Variants in ARHGAP4 observed in about 807,000 individuals in gnomAD.
The protein encoded by ARHGAP4 is Rho GTPase activating protein 4, also known as rho GTPase-activating protein 4.
ARHGAP4 carries 25 observed loss-of-function variants against 67.6 expected under a neutral mutation model. The ratio of observed to expected loss-of-function variants is 0.37; its 90% confidence interval spans 0.27 to 0.52. The LOEUF is 0.52. Ranked by LOEUF, ARHGAP4 falls within the 20% of genes least tolerant of loss-of-function variation. The pLI is 0.92. For missense variants in ARHGAP4, 804 were observed against 854.6 expected, an observed-to-expected ratio of 0.94 and a Z score of 0.74; for synonymous variants, 448 against 373.7, an observed-to-expected ratio of 1.20 and a Z score of -2.29.
chrX:153,926,177 C>A lies in ARHGAP4; in HGVS notation c.26G>T (p.Arg9Leu), dbSNP rs868940109. ...ATACTCAGCCTGCAGCCCCCGCTCC[C>A]GCCGCAGCTTCCCGTGAGCGGCCAT... is the stretch of plus-strand genomic sequence containing the variant. MAAHGKLR[R>L]ERGLQAEYET... The change falls in exon 1 of 22, where the codon CGG becomes CTG. Residue 9 changes from arginine (R) to leucine (L), a missense_variant. Arg to Leu is a moderately radical substitution (Grantham distance 102, BLOSUM62 -2). Coordinates refer to ENST00000350060, the MANE Select transcript of ARHGAP4 (RefSeq NM_001666.5). 8.3e-7 allele frequency: 1 copy of A among 1,203,828 alleles called. No homozygotes were observed.
In ARHGAP4 at chrX:153,907,955, G is replaced by A. The variant is rs782744563; in HGVS notation, c.2615C>T (p.Ala872Val). 37 of 1,132,909 alleles carry A rather than the reference G, an allele frequency of 3.3e-5. No individual in the cohort carries two copies. Among genetic ancestry groups the A allele is most frequent in the Non-Finnish European group, 4.2e-5 (36 of 857,098 alleles). 93.4% of individuals were successfully genotyped at this position (1,132,909 alleles called of 1,213,427 possible). ...CTTAAACACAGAGTCCATGTTCTGT[G>A]CCACAGCCTAGCGGAGGGGAAAGAA... ...EQHVEVDKAV[A>V]QNMDSVFKEL... is the part of the protein sequence containing the mutation. Residue 872 changes from alanine (A) to valine (V), a missense_variant, in exon 22 of 22, where the codon GCA becomes GTA. Ala to Val is a moderately conservative substitution (Grantham distance 64). Transcript: ENST00000350060.
intron 1 of ARHGAP4, among the ~76,000 whole-genome samples, chrX:153,924,459 G>A (rs2065114880): frequency 9.0e-6 from 1 of 111,404 alleles, no homozygotes; most frequent in South Asian, 3.8e-4. Flanking sequence ...CTAAACTAGG[G>A]CTGGCCCTCT....
chrX:153,909,681 G>T (rs1267585687), intron 19 of ARHGAP4, 60 bp downstream of exon 19: 3 of 1,075,325 alleles, frequency 2.8e-6, no homozygotes, highest in Admixed American at 2.8e-5. Flanking sequence ...GGGGTCGGGG[G>T]AGGGGTGGAT....
At chrX:153,923,731 C>T (rs1164517836) in intron 1 of ARHGAP4, among the ~76,000 whole-genome samples, 3 of 112,789 alleles carry the variant, frequency 2.7e-5, no homozygotes, top group South Asian at 3.6e-4. Flanking sequence ...GTGGGGTGGG[C>T]GCTAATGCCA....
chrX:153,908,590 G>A (rs1182271106), intron 21 of ARHGAP4, among the ~76,000 whole-genome samples: 1 of 109,797 alleles, frequency 9.1e-6, no homozygotes, highest in Non-Finnish European at 1.9e-5. Flanking sequence ...AGCCGCTGCT[G>A]CCCCACCCCA....
At chrX:153,920,868 G>A in intron 4 of ARHGAP4, 60 bp from the exon 5 acceptor site, 4 of 1,177,275 alleles carry the variant, frequency 3.4e-6, no homozygotes, top group Non-Finnish European at 4.6e-6. Flanking sequence ...CCAGCCCCCA[G>A]CCCTCTACCC....
At position 153,910,595 on chromosome X, in the gene ARHGAP4, C is replaced by T. The variant is rs782503977; in HGVS notation, c.1833G>A (p.Ala611=). ...GGCGGCTCACGTGCTCCACCCTCTC[C>T]GCTGTGGCCTCCAGCTCTGTGGCCA... The part of the protein sequence containing the change: ...LLASSELEAT[A]ERVEHVSRLL... The change falls in exon 16 of 22, where the codon GCG becomes GCA. Residue 611 remains alanine (A), a synonymous_variant. Coordinates refer to ENST00000350060, the MANE Select transcript of ARHGAP4 (RefSeq NM_001666.5). The T allele has an allele frequency of 3.6e-5, 44 of 1,205,831 alleles. No individual in the cohort carries two copies. Among genetic ancestry groups the T allele is most frequent in the African/African-American group, 5.2e-5 (3 of 57,478 alleles).
intron 20 of ARHGAP4, 112 bp downstream of exon 20, chrX:153,909,331 C>G (rs782788360): frequency 3.6e-4 from 321 of 901,048 alleles, no homozygotes; most frequent in Non-Finnish European, 4.6e-4. Flanking sequence ...GTCATTCTGT[C>G]ACGTCCTCAT....
At position 153,909,723 on chromosome X, in the gene ARHGAP4, A is replaced by C. The variant is rs1466107182; in HGVS notation, c.2414+18T>G. Reference sequence around the variant, plus strand: ...GAGACTCCGGGAGCCCTGGGGCCTGAGGGCGCGGCTCACTCACCCGGCGGG... The same window carrying C: ...GAGACTCCGGGAGCCCTGGGGCCTGCGGGCGCGGCTCACTCACCCGGCGGG... On this transcript the variant is annotated intron_variant, in intron 19 of 21. Coordinates refer to ENST00000350060, the MANE Select transcript of ARHGAP4 (RefSeq NM_001666.5). 1.7e-6 allele frequency: 2 copies of C among 1,170,388 alleles called. No individual in the cohort carries two copies. The highest frequency in any genetic ancestry group is 2.3e-6 in the Non-Finnish European group (2 of 875,518).
At position 153,913,894 on chromosome X, in the gene ARHGAP4, G is replaced by A. The variant is rs372306357; in HGVS notation, c.1033-15C>T. On this transcript the variant is annotated splice_polypyrimidine_tract_variant and intron_variant, in intron 7 of 21. Coordinates refer to ENST00000350060, the MANE Select transcript of ARHGAP4 (RefSeq NM_001666.5). ...ATCTCAGCCACCTGCAGAGGGCGGC[G>A]GCCAGGGGGCTAAGGGCTGGGCTTG... 4.3e-5 allele frequency: 51 copies of A among 1,195,975 alleles called. No homozygotes were observed. The South Asian group carries it at 7.7e-4, about 18-fold the overall frequency.
chrX:153,926,118 C>T lies in ARHGAP4; in HGVS notation c.67+18G>A, dbSNP rs782534930. 9 of 1,201,980 alleles carry T rather than the reference C, an allele frequency of 7.5e-6. No individual in the cohort carries two copies. The South Asian group carries it at 1.6e-4, about 21-fold the overall frequency. On this transcript the variant is annotated intron_variant, in intron 1 of 21. Coordinates refer to ENST00000350060, the MANE Select transcript of ARHGAP4 (RefSeq NM_001666.5). ...TTCTCCGCAGGAAACGGGCCGGGAGCGCCCGGCGCCCTCTCACCTTTGACT... is the reference window on the plus strand; with the variant it reads ...TTCTCCGCAGGAAACGGGCCGGGAGTGCCCGGCGCCCTCTCACCTTTGACT...
chrX:153,911,104 T>C, intron 13 of ARHGAP4, 25 bp downstream of exon 13: 1 of 1,167,343 alleles, frequency 8.6e-7, no homozygotes, highest in Non-Finnish European at 1.1e-6. Flanking sequence ...TGCCAGGACA[T>C]CGGGAGGGGC....
intron 5 of ARHGAP4, chrX:153,919,796 T>A (rs2065080730): frequency 9.3e-6 from 8 of 858,997 alleles, no homozygotes; most frequent in African/African-American, 2.1e-5. Context: ...TTTTTTATTT[T>A]TTTTTTTTGA....
chrX:153,918,726 C>T, intron 7 of ARHGAP4, 106 bp downstream of exon 7: 2 of 875,563 alleles, frequency 2.3e-6, no homozygotes, highest in Non-Finnish European at 3.3e-6. Flanking sequence ...TGCCTGAGAC[C>T]ATGGAGAACT....
rs782469163 is a variant in ARHGAP4, at chrX:153,920,877, C to G, written c.499-69G>C. 5.2e-6 allele frequency: 6 copies of G among 1,162,193 alleles called. No homozygotes were observed. In the East Asian group the frequency reaches 1.8e-4, roughly 35 times the overall value. Reference sequence around the variant, plus strand: ...GCTGGGCCAGCCCCCAGCCCTCTACCCCTGCCCCTCTGGAACTTGGACCTC... The same window carrying G: ...GCTGGGCCAGCCCCCAGCCCTCTACGCCTGCCCCTCTGGAACTTGGACCTC... On this transcript the variant is annotated intron_variant, in intron 4 of 21. Coordinates refer to ENST00000350060, the MANE Select transcript of ARHGAP4 (RefSeq NM_001666.5).
rs781879538 is a variant in ARHGAP4, at chrX:153,909,781, G to A, written c.2374C>T (p.Arg792Trp). The change falls in exon 19 of 22, where the codon CGG becomes TGG. Residue 792 changes from arginine to tryptophan, a missense_variant. Arg to Trp is a moderately radical substitution (Grantham distance 101, BLOSUM62 -3). This residue lies in a region of ARHGAP4 where 400 missense variants were observed against 348.7 expected (regional missense o/e 1.15). Coordinates refer to ENST00000350060, the MANE Select transcript of ARHGAP4 (RefSeq NM_001666.5). Reference protein sequence around the residue: ...DWWRGEHNGMRGLIPHKYITL... With the variant: ...DWWRGEHNGMWGLIPHKYITL... The stretch of plus-strand genomic sequence containing the variant: ...ATATACTTGTGGGGGATGAGGCCCC[G>A]CATGCCGTTGTGCTCCCCCCGCCAC... The A allele has an allele frequency of 1.4e-5, 17 of 1,198,951 alleles. No individual in the cohort carries two copies. The highest frequency in any genetic ancestry group is 1.2e-4 in the East Asian group (4 of 33,450).
intron 5 of ARHGAP4, 47 bp from the exon 6 acceptor site, chrX:153,919,330 C>A: frequency 8.3e-7 from 1 of 1,211,145 alleles, no homozygotes; most frequent in Non-Finnish European, 1.1e-6. Context: ...CGTGGCCAGC[C>A]CCTATCTCTA....
At chrX:153,908,677 A>C (rs782374690) in intron 21 of ARHGAP4, among the ~76,000 whole-genome samples, 1 of 93,421 alleles carries the variant, frequency 1.1e-5, no homozygotes, top group Non-Finnish European at 2.0e-5. Flanking sequence ...AGCGCCTGCC[A>C]TGGCACCGCC....
intron 13 of ARHGAP4, 63 bp downstream of exon 13, chrX:153,911,066 T>A: frequency 8.6e-7 from 1 of 1,161,422 alleles, no homozygotes; most frequent in African/African-American, 1.8e-5. Context: ...TGGCCTCCCA[T>A]GCCAGGTGCT....
Sources: allele counts gnomAD v4.1 joint callset (sites outside exome capture counted in the v4.1 genomes callset), GRCh38; gene constraint gnomAD v4.1.1; regional missense constraint gnomAD v4.1.1; transcripts MANE v1.5; gene names NCBI Gene and HGNC (gene_info 2026-07-23, HGNC 2026-07-21).